SLC9A6: variants seen among roughly 807,000 people sequenced by gnomAD.
SLC9A6 encodes the protein sodium/hydrogen exchanger 6.
Under a neutral mutation model 45.3 loss-of-function variants are expected in SLC9A6, and 6 were observed. The observed-to-expected ratio is 0.13, with a 90% CI of 0.07 to 0.26. The LOEUF (loss-of-function observed/expected upper bound fraction) is 0.26, where lower values mean the gene tolerates loss of function less well. SLC9A6 is among the 10% of genes least tolerant of loss of function. SLC9A6 has a pLI of 1.00. For synonymous variants in SLC9A6, 191 were observed against 187.7 expected, an observed-to-expected ratio of 1.02 and a Z score of -0.14; for missense variants, 278 against 503.7, an observed-to-expected ratio of 0.55 and a Z score of 4.29.
At chrX:136,006,839 A>G (rs1488182832) in intron 7 of SLC9A6, among the ~76,000 whole-genome samples, 1 of 111,308 alleles carries the variant, frequency 9.0e-6, no homozygotes, top group African/African-American at 3.3e-5. Context: ...TAGGATCAGT[A>G]GCCATTTCTA....
intron 3 of SLC9A6, among the ~76,000 whole-genome samples, chrX:135,996,878 T>C (rs1284108737): frequency 3.7e-5 from 4 of 109,296 alleles, no homozygotes; most frequent in Non-Finnish European, 3.8e-5. Flanking sequence ...GCCGTTCTCC[T>C]GCCTCAGCCT....
At chrX:136,017,416 T>G (rs1556619415) in intron 11 of SLC9A6, among the ~76,000 whole-genome samples, 1 of 99,027 alleles carries the variant, frequency 1.0e-5, no homozygotes, top group Non-Finnish European at 2.0e-5. Flanking sequence ...AGACCCTGTC[T>G]CAAAAAAAAA....
chrX:135,995,566 C>A (rs1404520983), intron 3 of SLC9A6, among the ~76,000 whole-genome samples: 1 of 111,923 alleles, frequency 8.9e-6, no homozygotes, highest in Non-Finnish European at 1.9e-5. Context: ...TCAAGTGAAT[C>A]CCCCGCCTCG....
rs187380133 is a variant in SLC9A6, at chrX:136,044,123, A to G, written c.1768-329A>G. ...GAAGACTTCAGAGCAAAAGTGATAA[A>G]AGGATGTTAGTCATTTGAAGGGAAA... On this transcript the variant is annotated intron_variant, in intron 17 of 17. Coordinates refer to ENST00000630721, the MANE Select transcript of SLC9A6 (RefSeq NM_001379110.1). Among the ~76,000 whole-genome samples, 3 of 111,878 alleles carry G rather than the reference A, an allele frequency of 2.7e-5. No homozygotes were observed. In the East Asian group the frequency reaches 8.4e-4, roughly 31 times the overall value.
chrX:136,017,204 T>TA (rs2071035585), intron 11 of SLC9A6, among the ~76,000 whole-genome samples: 1 of 110,056 alleles, frequency 9.1e-6, no homozygotes, highest in Non-Finnish European at 1.9e-5. Flanking sequence ...AAGAGTCTTA[T>TA]AAAATAAAAA....
In SLC9A6 at chrX:136,044,667, G is replaced by A. The variant is rs782730126; in HGVS notation, c.1983G>A (p.Met661Ile). 7.4e-6 allele frequency: 9 copies of A among 1,210,512 alleles called. No individual in the cohort carries two copies. Among genetic ancestry groups the A allele is most frequent in the Non-Finnish European group, 1.0e-5 (9 of 894,608 alleles). Residue 661 changes from methionine to isoleucine, a missense_variant, in exon 18 of 18, where the codon ATG (methionine) becomes ATA (isoleucine). By Grantham distance (10) the Met-to-Ile change is conservative (BLOSUM62 1). Coordinates refer to ENST00000630721, the MANE Select transcript of SLC9A6 (RefSeq NM_001379110.1). ...VIRGTRLVLP[M>I]DDSEPPLNLL... ...GAGGAACACGCCTGGTTCTTCCAAT[G>A]GATGATTCTGAACCCCCGCTAAATT...
chrX:136,041,719 A>G (rs1170931906), intron 17 of SLC9A6, among the ~76,000 whole-genome samples: 1 of 112,348 alleles, frequency 8.9e-6, no homozygotes. Context: ...GAAACACAAC[A>G]GGCTCCCTAG....
At chrX:136,043,499 C>G (rs1257751565) in intron 17 of SLC9A6, among the ~76,000 whole-genome samples, 1 of 111,834 alleles carries the variant, frequency 8.9e-6, no homozygotes, top group Non-Finnish European at 1.9e-5. Flanking sequence ...TCAAAATTTT[C>G]AAACAGACAT....
chrX:136,021,494 TTTTCCA>T (rs1295459922), intron 11 of SLC9A6, among the ~76,000 whole-genome samples: 3 of 112,428 alleles, frequency 2.7e-5, no homozygotes, highest in African/African-American at 9.7e-5. Flanking sequence ...GATTCTTCTG[TTTTCCA>T]AAGTTACTTA....
intron 16 of SLC9A6, among the ~76,000 whole-genome samples, chrX:136,034,436 C>G (rs1273496808): frequency 9.0e-6 from 1 of 111,560 alleles, no homozygotes; most frequent in African/African-American, 3.3e-5. Flanking sequence ...GAGTTGGGGA[C>G]CACTGCTTTA....
intron 3 of SLC9A6, among the ~76,000 whole-genome samples, chrX:135,997,674 C>T (rs2089525684): frequency 9.1e-6 from 1 of 109,988 alleles, no homozygotes. Flanking sequence ...CCTCCGCCTC[C>T]CAAAGTGCTG....
At chrX:135,996,245 T>C (rs782478307) in intron 3 of SLC9A6, among the ~76,000 whole-genome samples, 14 of 108,983 alleles carry the variant, frequency 1.3e-4, no homozygotes, top group Non-Finnish European at 2.5e-4. Flanking sequence ...TTGTCTAGGC[T>C]TGTCTCAAAC....
intron 13 of SLC9A6, among the ~76,000 whole-genome samples, chrX:136,028,335 T>C (rs782008727): frequency 1.8e-5 from 2 of 111,819 alleles, no homozygotes; most frequent in South Asian, 7.5e-4. Context: ...AGCAGCCAAG[T>C]CCAGATTTGA....
Position 136,046,623 on chromosome X carries a change from A to C in SLC9A6, c.*1899A>C, listed in dbSNP as rs1189438720. ...GCATGACAAATTCAGTAACTCGTCT[A>C]TTTCAGCATGCATAAGACTTTTCAC... is the stretch of plus-strand genomic sequence containing the variant. On this transcript the variant is annotated 3_prime_UTR_variant, in exon 18 of 18. Transcript: ENST00000630721. The C allele has an allele frequency of 8.9e-6, 1 of 112,666 alleles. No individual in the cohort carries two copies. Among genetic ancestry groups the C allele is most frequent in the Non-Finnish European group, 1.9e-5 (1 of 53,288 alleles). The allele number at this position is 112,666 out of a possible 1,213,427, so 9.3% of individuals were successfully genotyped here. A position where few individuals can be genotyped will look rare whatever the true frequency, so the allele number is the denominator to read the frequency against.
intron 7 of SLC9A6, among the ~76,000 whole-genome samples, chrX:136,008,758 A>C (rs1296638832): frequency 1.8e-5 from 2 of 112,069 alleles, no homozygotes; most frequent in East Asian, 5.6e-4. Flanking sequence ...GGTTTAAAAA[A>C]AAGTATTCAT....
upstream of SLC9A6, among the ~76,000 whole-genome samples, chrX:135,982,105 A>G (rs944804023): frequency 9.0e-6 from 1 of 111,594 alleles, no homozygotes; most frequent in Non-Finnish European, 1.9e-5. Flanking sequence ...AACGTGAAAA[A>G]CATTCTTAGT....
At chrX:135,990,180 G>C (rs995390405) in intron 2 of SLC9A6, among the ~76,000 whole-genome samples, 1 of 110,795 alleles carries the variant, frequency 9.0e-6, no homozygotes, top group African/African-American at 3.3e-5. Context: ...TAGAGATGGG[G>C]TTTCACTGTG....
At chrX:135,997,474 C>T (rs1245606379) in intron 3 of SLC9A6, among the ~76,000 whole-genome samples, 2 of 88,720 alleles carry the variant, frequency 2.3e-5, no homozygotes, top group Non-Finnish European at 4.2e-5. Context: ...CTGGCGCGAT[C>T]TTGGCTCACT....
At chrX:135,985,516 G>T in intron 1 of SLC9A6, 39 bp downstream of exon 1, 1 of 1,116,021 alleles carries the variant, frequency 9.0e-7, no homozygotes. Context: ...GCTCGGCGCG[G>T]CTGGCGGCGG....
Sources: gnomAD v4.1 joint callset for allele counts (sites outside exome capture counted in the v4.1 genomes callset) on GRCh38, gnomAD v4.1.1 for gene constraint, MANE v1.5 for transcripts, NCBI Gene and HGNC (gene_info 2026-07-23, HGNC 2026-07-21) for gene names.